The following SNX27 variants were observed in gnomAD, a reference collection of about 807,000 sequenced individuals.
SNX27 encodes sorting nexin-27.
Under a neutral mutation model 71.6 loss-of-function variants are expected in SNX27, and 22 were observed. The observed-to-expected ratio is 0.31, with a 90% CI of 0.22 to 0.44. The LOEUF (loss-of-function observed/expected upper bound fraction) is 0.44. Among genes scored for constraint, SNX27 ranks in the 20% least tolerant of loss-of-function variants. The pLI, the probability that SNX27 is intolerant of heterozygous loss-of-function variation, is 1.00. For synonymous variants in SNX27, 269 were observed against 277.2 expected (o/e 0.97, Z 0.29); for missense variants, 531 against 698.6 (o/e 0.76, Z 2.70).
At chr1:151,614,954 C>G (rs1367959695) in intron 1 of SNX27, among the ~76,000 whole-genome samples, 1 of 152,136 alleles carries the variant, frequency 6.6e-6, no homozygotes, top group Non-Finnish European at 1.5e-5. Flanking sequence ...TGGCTTCTGC[C>G]CAAGAGCCTA....
At position 151,697,763 on chromosome 1, in the gene SNX27, T is replaced by G. The variant is rs1444944325; in HGVS notation, c.*3346T>G. On this transcript the variant is annotated 3_prime_UTR_variant, in exon 12 of 12. Transcript: ENST00000458013. Reference sequence around the variant, plus strand: ...AGTCCCAGCTTCTGCCCAGGGAGGCTTCTACCCAGACTTCTTTTGCAATTT... The same window carrying G: ...AGTCCCAGCTTCTGCCCAGGGAGGCGTCTACCCAGACTTCTTTTGCAATTT... The G allele has an allele frequency of 6.5e-6, 1 of 152,738 alleles. No homozygotes were observed. Among genetic ancestry groups the G allele is most frequent in the Non-Finnish European group, 1.5e-5 (1 of 68,134 alleles). 9.5% of individuals were successfully genotyped at this position (152,738 alleles called of 1,614,324 possible). A position where few individuals can be genotyped will look rare whatever the true frequency, so the allele number is the denominator to read the frequency against.
intron 7 of SNX27, among the ~76,000 whole-genome samples, chr1:151,671,025 C>A (rs1670433691): frequency 6.6e-6 from 1 of 152,138 alleles, no homozygotes; most frequent in Non-Finnish European, 1.5e-5. Context: ...TTCCCAGCAC[C>A]ATTTATTGAA....
rs990022467 is a variant in SNX27 at position 151,694,429 on chromosome 1, C to T, written c.*12C>T. 7.3e-5 allele frequency: 113 copies of T among 1,549,828 alleles called. No individual in the cohort carries two copies. Among genetic ancestry groups the T allele is most frequent in the Non-Finnish European group, 1.5e-5 (17 of 1,146,582 alleles). ...ATGTGGCCACCTAGCCTTTCCTTAT[C>T]CCCTTCCCTTCCCTTCACCCCCATC... On this transcript the variant is annotated 3_prime_UTR_variant, in exon 12 of 12. Coordinates refer to ENST00000458013, the MANE Select transcript of SNX27 (RefSeq NM_001330723.2).
Position 151,697,741 on chromosome 1 carries a change from C to G in SNX27, c.*3324C>G, listed in dbSNP as rs577134630. The G allele has an allele frequency of 2.0e-5, 3 of 152,866 alleles. No homozygotes were observed. Among genetic ancestry groups the G allele is most frequent in the East Asian group, 3.9e-4 (2 of 5,176 alleles). 9.5% of individuals were successfully genotyped at this position (152,866 alleles called of 1,614,324 possible). A position where few individuals can be genotyped will look rare whatever the true frequency, so the allele number is the denominator to read the frequency against. On this transcript the variant is annotated 3_prime_UTR_variant, in exon 12 of 12. Transcript: ENST00000458013. Reference sequence around the variant, plus strand: ...TGTAATCCCTACTGTTCTTCTTAGTCCCAGCTTCTGCCCAGGGAGGCTTCT... The same window carrying G: ...TGTAATCCCTACTGTTCTTCTTAGTGCCAGCTTCTGCCCAGGGAGGCTTCT...
At chr1:151,644,479 C>T (rs1312596972) in intron 2 of SNX27, among the ~76,000 whole-genome samples, 3 of 152,150 alleles carry the variant, frequency 2.0e-5, no homozygotes, top group African/African-American at 7.2e-5. Flanking sequence ...TTTAACATTC[C>T]ATTATATGGA....
chr1:151,692,780 C>G, intron 9 of SNX27, 131 bp from the exon 10 acceptor site: 1 of 1,405,870 alleles, frequency 7.1e-7, no homozygotes, highest in Non-Finnish European at 9.8e-7. Context: ...TCTTCTATCA[C>G]AGTCCTTTCT....
intron 1 of SNX27, among the ~76,000 whole-genome samples, chr1:151,621,125 T>C (rs1036287232): frequency 3.0e-4 from 46 of 152,352 alleles, no homozygotes; most frequent in Admixed American, 2.3e-3. Flanking sequence ...TGAAAATTCA[T>C]GTGAAGCTCC....
At position 151,694,685 on chromosome 1, in the gene SNX27, C is replaced by A. The variant is rs1252756856; in HGVS notation, c.*268C>A. 1 of 378,650 alleles carries A rather than the reference C, an allele frequency of 2.6e-6. No homozygotes were observed. Among genetic ancestry groups the A allele is most frequent in the African/African-American group, 2.1e-5 (1 of 48,134 alleles). 23.5% of individuals were successfully genotyped at this position (378,650 alleles called of 1,614,324 possible). On this transcript the variant is annotated 3_prime_UTR_variant, in exon 12 of 12. Transcript: ENST00000458013. Reference sequence around the variant, plus strand: ...AGCCCAACCAACTTGCCAAAGGTATCTTTGTCCTTTCACCTGGGCCTCATA... The same window carrying A: ...AGCCCAACCAACTTGCCAAAGGTATATTTGTCCTTTCACCTGGGCCTCATA...
At chr1:151,686,311 C>G (rs891197274) in intron 8 of SNX27, among the ~76,000 whole-genome samples, 3 of 152,196 alleles carry the variant, frequency 2.0e-5, no homozygotes, top group Non-Finnish European at 4.4e-5. Context: ...GAGAGAAATA[C>G]ATAGGTTTGC....
chr1:151,686,277 C>T (rs937552964), intron 8 of SNX27, among the ~76,000 whole-genome samples: 3 of 152,196 alleles, frequency 2.0e-5, no homozygotes, highest in East Asian at 1.9e-4. Flanking sequence ...GTACCAAGTA[C>T]GTGCCAGGCA....
chr1:151,652,740 G>T (rs956518086), intron 2 of SNX27, among the ~76,000 whole-genome samples: 4 of 151,716 alleles, frequency 2.6e-5, no homozygotes, highest in African/African-American at 9.7e-5. Flanking sequence ...ACTTTCATTT[G>T]TTATTTGCTT....
At chr1:151,613,398 C>G (rs1442184152) in intron 1 of SNX27, 1 of 152,188 alleles carries the variant, frequency 6.6e-6, no homozygotes, top group African/African-American at 2.4e-5. Flanking sequence ...TATGGTAGAC[C>G]CCTTGTAACT....
At chr1:151,679,191 G>C (rs1436307350) in intron 7 of SNX27, 1 of 152,108 alleles carries the variant, frequency 6.6e-6, no homozygotes, top group Admixed American at 6.6e-5. Context: ...TCAATTATAA[G>C]ATGCACCATT....
intron 1 of SNX27, among the ~76,000 whole-genome samples, chr1:151,634,266 C>T (rs1191541731): frequency 6.6e-6 from 1 of 152,118 alleles, no homozygotes; most frequent in Non-Finnish European, 1.5e-5. Flanking sequence ...AATGGGCTGC[C>T]TCTGAGAGAC....
At chr1:151,692,661 C>T in intron 9 of SNX27, 77 bp downstream of exon 9, 7 of 1,555,670 alleles carry the variant, frequency 4.5e-6, no homozygotes, top group Non-Finnish European at 8.7e-7. Flanking sequence ...CGTTTTAATT[C>T]CATTTTAGGG....
intron 2 of SNX27, among the ~76,000 whole-genome samples, chr1:151,656,177 C>T (rs1450873212): frequency 1.4e-5 from 2 of 140,042 alleles, no homozygotes; most frequent in African/African-American, 5.3e-5. Flanking sequence ...GAGCAGACAT[C>T]GTGCCACTGC....
At chr1:151,678,096 T>G (rs1670778424) in intron 7 of SNX27, 1 of 152,078 alleles carries the variant, frequency 6.6e-6, no homozygotes, top group Non-Finnish European at 1.5e-5. Context: ...AGTGCTGCGG[T>G]CATAGCTCAC....
chr1:151,668,765 G>GTAA, intron 7 of SNX27, 130 bp downstream of exon 7: 1 of 668,334 alleles, frequency 1.5e-6, no homozygotes, highest in Non-Finnish European at 2.3e-6. Flanking sequence ...TTTGTAAAAT[G>GTAA]TTCTATCCCA....
chr1:151,680,827 G>A (rs1400945312), intron 7 of SNX27, among the ~76,000 whole-genome samples: 1 of 152,082 alleles, frequency 6.6e-6, no homozygotes, highest in African/African-American at 2.4e-5. Context: ...GTTTAAATTT[G>A]GCTGGAGCAG....
Sources: allele counts gnomAD v4.1 joint callset (sites outside exome capture counted in the v4.1 genomes callset), GRCh38; gene constraint gnomAD v4.1.1; transcripts MANE v1.5; gene names NCBI Gene and HGNC (gene_info 2026-07-23, HGNC 2026-07-21).